The following FSHR variants were observed in gnomAD, a reference collection of about 807,000 sequenced individuals.
The protein encoded by FSHR is follicle stimulating hormone receptor.
Under a neutral mutation model 52.1 loss-of-function variants are expected in FSHR, and 46 were observed. That is an observed-to-expected ratio of 0.88 (90% CI 0.70 to 1.13). The LOEUF (loss-of-function observed/expected upper bound fraction) is 1.13. Ranked by LOEUF, FSHR falls within the 50% of genes most tolerant of loss-of-function variation. FSHR has a pLI of 0.00. For synonymous variants in FSHR, 399 were observed against 309.6 expected (o/e 1.29, Z -3.03); for missense variants, 964 against 834.6 (o/e 1.16, Z -1.91).
intron 2 of FSHR, 132 bp downstream of exon 2, chr2:49,068,087 G>C (rs1048474026): frequency 1.4e-6 from 1 of 734,822 alleles, no homozygotes; most frequent in Non-Finnish European, 2.5e-6. Context: ...AGTAAAATGT[G>C]AGGAGATGCA....
intron 4 of FSHR, among the ~76,000 whole-genome samples, chr2:49,003,975 C>T (rs7594633): frequency 0.77 from 116,461 of 152,070 alleles, 44,705 homozygotes; most frequent in Admixed American, 0.83. Context: ...GACAAAGATA[C>T]CTTTTAAACC....
intron 2 of FSHR, among the ~76,000 whole-genome samples, chr2:49,058,957 C>G (rs116673979): frequency 2.4e-3 from 370 of 152,288 alleles, no homozygotes; most frequent in African/African-American, 8.1e-3. Flanking sequence ...ACTTGTAACT[C>G]CAGCACTTTG....
chr2:48,987,985 T>C (rs1289708426), intron 6 of FSHR, among the ~76,000 whole-genome samples: 1 of 152,198 alleles, frequency 6.6e-6, no homozygotes. Context: ...AATTTTATTG[T>C]TCCCTCCATA....
chr2:49,145,655 G>T (rs920795495), intron 1 of FSHR, among the ~76,000 whole-genome samples: 12 of 152,112 alleles, frequency 7.9e-5, no homozygotes, highest in Non-Finnish European at 1.5e-4. Context: ...GAGAGATACT[G>T]ATAGTTGCAA....
chr2:49,095,244 T>C (rs1670779307), intron 1 of FSHR, among the ~76,000 whole-genome samples: 1 of 152,090 alleles, frequency 6.6e-6, no homozygotes, highest in South Asian at 2.1e-4. Context: ...AGAGCTACAG[T>C]AATAAGATGT....
At chr2:49,014,802 T>A (rs1042489492) in intron 4 of FSHR, 2 of 392,126 alleles carry the variant, frequency 5.1e-6, no homozygotes, top group Non-Finnish European at 1.0e-5. Flanking sequence ...AGGAGTGCTT[T>A]GCATTAGCCA....
chr2:49,055,373 A>T (rs941101054), intron 2 of FSHR, among the ~76,000 whole-genome samples: 1 of 151,564 alleles, frequency 6.6e-6, no homozygotes, highest in African/African-American at 2.4e-5. Context: ...GAAAGTCTAC[A>T]AAATTTATGA....
intron 1 of FSHR, among the ~76,000 whole-genome samples, chr2:49,122,034 C>T (rs1227630597): frequency 6.6e-6 from 1 of 152,180 alleles, no homozygotes; most frequent in African/African-American, 2.4e-5. Context: ...CTACAAATTG[C>T]TCATAACTAA....
intron 6 of FSHR, among the ~76,000 whole-genome samples, chr2:48,986,928 A>G (rs890283730): frequency 1.8e-4 from 28 of 152,330 alleles, no homozygotes; most frequent in African/African-American, 6.0e-4. Context: ...GCACACTCCC[A>G]CTTAATTATA....
intron 1 of FSHR, among the ~76,000 whole-genome samples, chr2:49,101,317 A>T (rs949194283): frequency 2.5e-4 from 38 of 152,266 alleles, no homozygotes; most frequent in African/African-American, 9.1e-4. Flanking sequence ...AGAAAGAGCA[A>T]GTTAGGAGAG....
intron 1 of FSHR, among the ~76,000 whole-genome samples, chr2:49,142,066 T>G (rs1672707116): frequency 6.6e-6 from 1 of 152,228 alleles, no homozygotes; most frequent in African/African-American, 2.4e-5. Context: ...ATTCAGTCTT[T>G]CCTTCTAGTT....
At chr2:49,028,613 C>T (rs1306106882) in intron 2 of FSHR, among the ~76,000 whole-genome samples, 1 of 152,194 alleles carries the variant, frequency 6.6e-6, no homozygotes, top group African/African-American at 2.4e-5. Context: ...AGCTGGACTA[C>T]ATTTCTTGGC....
intron 2 of FSHR, among the ~76,000 whole-genome samples, chr2:49,027,141 T>C (rs1420561804): frequency 6.6e-6 from 1 of 152,174 alleles, no homozygotes; most frequent in African/African-American, 2.4e-5. Flanking sequence ...CCAACTTCTC[T>C]CCACCATTTT....
In FSHR at chr2:49,038,239, A is replaced by C. The variant is rs1020988890; in HGVS notation, c.225-18079T>G. 3.3e-5 allele frequency among the ~76,000 whole-genome samples: 5 copies of C among 152,210 alleles called. 1 individual carries two copies. Among genetic ancestry groups the C allele is most frequent in the Admixed American group, 2.0e-4 (3 of 15,284 alleles). On this transcript the variant is annotated intron_variant, in intron 2 of 9. Coordinates refer to ENST00000406846, the MANE Select transcript of FSHR (RefSeq NM_000145.4). The stretch of plus-strand genomic sequence containing the variant: ...TAAATAATTTTCTTCAACAAGAAGA[A>C]AATTAGACCCAGAAGAAACAAATAG...
intron 1 of FSHR, among the ~76,000 whole-genome samples, chr2:49,089,608 A>G (rs377254904): frequency 1.6e-4 from 24 of 152,312 alleles, no homozygotes; most frequent in African/African-American, 4.6e-4. Flanking sequence ...CCAGGCTGCA[A>G]TGCAACAATG....
chr2:49,149,134 G>T (rs1672971689), intron 1 of FSHR, among the ~76,000 whole-genome samples: 1 of 151,928 alleles, frequency 6.6e-6, no homozygotes, highest in African/African-American at 2.4e-5. Flanking sequence ...TGGGTAACCA[G>T]AAAAGTTTGA....
chr2:49,037,077 C>CTTCTT (rs1558404019), intron 2 of FSHR, among the ~76,000 whole-genome samples: 1 of 152,120 alleles, frequency 6.6e-6, no homozygotes, highest in Non-Finnish European at 1.5e-5. Flanking sequence ...TAGAGATGAA[C>CTTCTT]TACTTGCATA....
intron 4 of FSHR, among the ~76,000 whole-genome samples, chr2:48,998,203 T>C (rs1676109503): frequency 6.6e-6 from 1 of 152,060 alleles, no homozygotes; most frequent in South Asian, 2.1e-4. Flanking sequence ...GAAATAATGG[T>C]ACAAAGCAGA....
intron 2 of FSHR, among the ~76,000 whole-genome samples, chr2:49,057,819 T>C (rs1365383392): frequency 6.6e-6 from 1 of 152,088 alleles, no homozygotes; most frequent in Non-Finnish European, 1.5e-5. Context: ...AGAAATAATA[T>C]ATGAGAATTA....
Sources: gnomAD v4.1 joint callset for allele counts (sites outside exome capture counted in the v4.1 genomes callset) on GRCh38, gnomAD v4.1.1 for gene constraint, MANE v1.5 for transcripts, NCBI Gene and HGNC (gene_info 2026-07-23, HGNC 2026-07-21) for gene names.